The following LBP variants were observed in gnomAD, a reference collection of about 807,000 sequenced individuals.
LBP encodes the protein lipopolysaccharide-binding protein.
Under a neutral mutation model 56.6 loss-of-function variants are expected in LBP, and 53 were observed. The ratio of observed to expected loss-of-function variants is 0.94; its 90% CI spans 0.75 to 1.18. LBP has a LOEUF of 1.18. LBP is among the 50% of genes most tolerant of loss of function. LBP has a pLI of 0.00. For synonymous variants in LBP, 227 were observed against 247.5 expected, an observed-to-expected ratio of 0.92 and a Z score of 0.78; for missense variants, 601 against 598.3, an observed-to-expected ratio of 1.00 and a Z score of -0.05.
chr20:38,360,479 G>A (rs1447843042), intron 5 of LBP, among the ~76,000 whole-genome samples: 1 of 152,132 alleles, frequency 6.6e-6, no homozygotes, highest in Non-Finnish European at 1.5e-5. Context: ...CCAGCCCTGG[G>A]ACAGACTGAA....
At chr20:38,346,701 C>G in intron 1 of LBP, 61 bp downstream of exon 1, 1 of 1,601,854 alleles carries the variant, frequency 6.2e-7, no homozygotes. Flanking sequence ...GCTCTGGGTA[C>G]AGTGGGGACA....
At chr20:38,351,584 T>C (rs1244893181) in intron 3 of LBP, among the ~76,000 whole-genome samples, 1 of 152,142 alleles carries the variant, frequency 6.6e-6, no homozygotes, top group African/African-American at 2.4e-5. Flanking sequence ...TAAGCAGAAA[T>C]GTGTTTTCTC....
chr20:38,372,700 T>C (rs984764231), intron 12 of LBP, among the ~76,000 whole-genome samples: 3 of 152,080 alleles, frequency 2.0e-5, no homozygotes, highest in African/African-American at 7.2e-5. Flanking sequence ...TGGCATATAG[T>C]GGGGGTTAGA....
intron 13 of LBP, 130 bp downstream of exon 13, chr20:38,373,265 TAGTGA>T: frequency 1.4e-6 from 1 of 731,128 alleles, no homozygotes; most frequent in Non-Finnish European, 2.4e-6. Context: ...TCTCTGAGCT[TAGTGA>T]CCTGCCTGTG....
chr20:38,361,687 G>A (rs917995073), intron 6 of LBP, among the ~76,000 whole-genome samples: 2 of 152,092 alleles, frequency 1.3e-5, no homozygotes, highest in Admixed American at 6.5e-5. Context: ...TGACAGGCAC[G>A]AGCCACTGTG....
At position 38,355,374 on chromosome 20, in the gene LBP, A is replaced by G; in HGVS notation, c.553A>G (p.Ile185Val). ...GWLLNLFHNQ[I>V]ESKFQKVLES... ...GCTGTTGAACCTCTTCCACAACCAGATTGAGTCCAAGTTCCAGAAAGTACT... is the reference window on the plus strand; with the variant it reads ...GCTGTTGAACCTCTTCCACAACCAGGTTGAGTCCAAGTTCCAGAAAGTACT... The change falls in exon 5 of 15, where the codon ATT becomes GTT. Residue 185 changes from isoleucine to valine, a missense_variant. Ile to Val is a conservative substitution (Grantham distance 29). Coordinates refer to ENST00000217407, the MANE Select transcript of LBP (RefSeq NM_004139.5). The G allele has an allele frequency of 6.2e-7, 1 of 1,613,756 alleles. No individual in the cohort carries two copies. Among genetic ancestry groups the G allele is most frequent in the East Asian group, 2.2e-5 (1 of 44,864 alleles).
intron 3 of LBP, among the ~76,000 whole-genome samples, chr20:38,353,338 C>T (rs1453800031): frequency 6.6e-6 from 1 of 152,144 alleles, no homozygotes; most frequent in South Asian, 2.1e-4. Flanking sequence ...TTTCCCTTCC[C>T]CCAGCTCCAG....
intron 6 of LBP, among the ~76,000 whole-genome samples, 193 bp downstream of exon 6, chr20:38,360,960 C>T (rs1320284879): frequency 3.9e-5 from 6 of 152,018 alleles, no homozygotes; most frequent in Admixed American, 6.6e-5. Flanking sequence ...GTCAGGAGTT[C>T]GAGACCAGCC....
At chr20:38,368,897 T>C (rs2076891682) in intron 9 of LBP, 98 bp from the exon 10 acceptor site, 5 of 1,275,282 alleles carry the variant, frequency 3.9e-6, no homozygotes, top group Admixed American at 1.9e-5. Context: ...ATAAAATCAA[T>C]CGAAAGCAAC....
At position 38,358,392 on chromosome 20, in the gene LBP, G is replaced by A. The variant is rs145158723; in HGVS notation, c.589-2312G>A. On this transcript the variant is annotated intron_variant, in intron 5 of 14. Transcript: ENST00000217407. Reference sequence around the variant, plus strand: ...TGTGTCTGCAACTCAGGCATCCCATGCCTCCCCTGCCCAGTCCTTCGGGTC... The same window carrying A: ...TGTGTCTGCAACTCAGGCATCCCATACCTCCCCTGCCCAGTCCTTCGGGTC... Among the ~76,000 whole-genome samples, 395 of 152,228 alleles carry A rather than the reference G, an allele frequency of 2.6e-3. 1 individual carries two copies. The highest frequency in any genetic ancestry group is 9.3e-3 in the African/African-American group (386 of 41,538).
chr20:38,369,744 G>C (rs928520230), intron 10 of LBP, among the ~76,000 whole-genome samples: 30 of 152,162 alleles, frequency 2.0e-4, no homozygotes, highest in African/African-American at 7.2e-4. Flanking sequence ...ACAGCCTCCT[G>C]TCTCTGGATA....
chr20:38,366,086 GT>G, intron 8 of LBP, among the ~76,000 whole-genome samples: 1 of 152,224 alleles, frequency 6.6e-6, no homozygotes, highest in Non-Finnish European at 1.5e-5. Flanking sequence ...TCAAAAAGTT[GT>G]TTCTTGAAGC....
intron 5 of LBP, among the ~76,000 whole-genome samples, chr20:38,356,571 G>A (rs2076842185): frequency 6.6e-6 from 1 of 152,014 alleles, no homozygotes; most frequent in Non-Finnish European, 1.5e-5. Context: ...TTCTTTTCTG[G>A]TTCTGGGTCC....
chr20:38,348,342 C>T (rs1390751128), intron 1 of LBP, among the ~76,000 whole-genome samples: 1 of 150,268 alleles, frequency 6.7e-6, no homozygotes, highest in East Asian at 1.9e-4. Context: ...GAAACGGAGT[C>T]TCACTCTGTT....
At chr20:38,360,869 G>C in intron 6 of LBP, 102 bp downstream of exon 6, 2 of 917,474 alleles carry the variant, frequency 2.2e-6, no homozygotes, top group East Asian at 2.8e-5. Context: ...AATATAGAAA[G>C]TAAAAATTAA....
rs1224519267 is a variant in LBP, at chr20:38,376,655, T to C, written c.1432T>C (p.Tyr478His). 6.2e-7 allele frequency: 1 copy of C among 1,613,886 alleles called. No individual in the cohort carries two copies. Among genetic ancestry groups the C allele is most frequent in the Non-Finnish European group, 8.5e-7 (1 of 1,179,856 alleles). The change falls in exon 15 of 15, where the codon TAC (tyrosine) becomes CAC (histidine). Residue 478 changes from tyrosine (Y) to histidine (H), a missense_variant. By Grantham distance (83) the Tyr-to-His change is moderately conservative. Transcript: ENST00000217407. The stretch of plus-strand genomic sequence containing the variant: ...CCTGTTCTTGGGTGCCAATGTCCAA[T>C]ACATGAGAGTTTGAGGACAAGAAAG... ...DFLFLGANVQ[Y>H]MRV
intron 9 of LBP, 54 bp downstream of exon 9, chr20:38,366,882 AG>A: frequency 6.6e-7 from 1 of 1,512,602 alleles, no homozygotes; most frequent in Non-Finnish European, 9.2e-7. Flanking sequence ...TAGACTCCAG[AG>A]GTTTCTCTTT....
intron 1 of LBP, among the ~76,000 whole-genome samples, chr20:38,348,273 T>G (rs894351852): frequency 1.3e-4 from 20 of 152,186 alleles, no homozygotes; most frequent in African/African-American, 4.8e-4. Context: ...ACACCATGTT[T>G]ATGTAACCAG....
intron 2 of LBP, among the ~76,000 whole-genome samples, chr20:38,350,258 T>G (rs535464079): frequency 3.3e-4 from 50 of 152,318 alleles, no homozygotes; most frequent in Middle Eastern, 3.4e-3. Context: ...CTTCTTTTAT[T>G]CAGTCCATCA....
Sources: allele counts gnomAD v4.1 joint callset (sites outside exome capture counted in the v4.1 genomes callset), GRCh38; gene constraint gnomAD v4.1.1; transcripts MANE v1.5; gene names NCBI Gene and HGNC (gene_info 2026-07-23, HGNC 2026-07-21).